Variants in GRIN2A observed in about 807,000 individuals in gnomAD.
GRIN2A encodes glutamate ionotropic receptor NMDA type subunit 2A, also known as glutamate receptor ionotropic, NMDA 2A.
Under a neutral mutation model 113.4 loss-of-function variants are expected in GRIN2A, and 22 were observed. The observed-to-expected ratio is 0.19, with a 90% CI of 0.14 to 0.28. The LOEUF (loss-of-function observed/expected upper bound fraction) is 0.28, where lower values mean the gene tolerates loss of function less well. GRIN2A is among the 10% of genes least tolerant of loss of function. GRIN2A has a pLI of 1.00. For synonymous variants in GRIN2A, 827 were observed against 738.4 expected, an observed-to-expected ratio of 1.12 and a Z score of -1.94; for missense variants, 1,502 against 1,887.0, an observed-to-expected ratio of 0.80 and a Z score of 3.78.
At chr16:10,094,826 A>T (rs999504513) in intron 2 of GRIN2A, among the ~76,000 whole-genome samples, 1 of 151,556 alleles carries the variant, frequency 6.6e-6, no homozygotes, top group Non-Finnish European at 1.5e-5. Context: ...TGAAGCAGGA[A>T]AAGTATAAAA....
intron 10 of GRIN2A, among the ~76,000 whole-genome samples, chr16:9,811,313 C>T (rs533704949): frequency 6.6e-6 from 1 of 152,318 alleles, no homozygotes; most frequent in Admixed American, 6.5e-5. Context: ...GGCACTGCTA[C>T]TCATTAGATG....
rs2141629108 is a variant in GRIN2A at position 9,937,951 on chromosome 16, T to C, written c.1007+8A>G. On this transcript the variant is annotated splice_region_variant and intron_variant, in intron 3 of 12. Transcript: ENST00000330684. ...TCCCACTTTGGGAGACAACAAGCCC[T>C]TTCTTACGGGTGCAAGGTGTGCATC... 3.1e-6 allele frequency: 5 copies of C among 1,606,112 alleles called. No individual in the cohort carries two copies. The highest frequency in any genetic ancestry group is 4.3e-6 in the Non-Finnish European group (5 of 1,172,974).
intron 3 of GRIN2A, among the ~76,000 whole-genome samples, chr16:9,926,812 T>G (rs542425909): frequency 6.6e-6 from 1 of 152,300 alleles, no homozygotes; most frequent in Admixed American, 6.5e-5. Flanking sequence ...TATGGGATTA[T>G]TATCACTAAC....
At chr16:9,898,847 C>T (rs1417143248) in intron 3 of GRIN2A, among the ~76,000 whole-genome samples, 1 of 150,584 alleles carries the variant, frequency 6.6e-6, no homozygotes, top group Non-Finnish European at 1.5e-5. Context: ...TTTGCAAATC[C>T]CTTCAACTTT....
chr16:10,066,525 A>G (rs1347207676), intron 2 of GRIN2A, among the ~76,000 whole-genome samples: 2 of 152,170 alleles, frequency 1.3e-5, no homozygotes, highest in Non-Finnish European at 1.5e-5. Flanking sequence ...GGACAAAACT[A>G]TGGGCTATTT....
At chr16:10,171,869 G>C (rs1020306381) in intron 2 of GRIN2A, among the ~76,000 whole-genome samples, 6 of 152,176 alleles carry the variant, frequency 3.9e-5, no homozygotes, top group African/African-American at 1.4e-4. Context: ...CCATTTTAGA[G>C]ATGAAGACAT....
intron 2 of GRIN2A, among the ~76,000 whole-genome samples, chr16:10,085,939 T>A (rs1225565482): frequency 2.0e-5 from 3 of 152,182 alleles, no homozygotes; most frequent in African/African-American, 7.2e-5. Context: ...CTAGAATGAA[T>A]TAGTTAATTA....
At chr16:10,004,200 C>T (rs2046367969) in intron 2 of GRIN2A, among the ~76,000 whole-genome samples, 1 of 151,938 alleles carries the variant, frequency 6.6e-6, no homozygotes, top group South Asian at 2.1e-4. Context: ...ACCAGCCTGG[C>T]CAATATGGTG....
At chr16:10,073,670 T>C (rs1439947000) in intron 2 of GRIN2A, among the ~76,000 whole-genome samples, 1 of 152,016 alleles carries the variant, frequency 6.6e-6, no homozygotes, top group Non-Finnish European at 1.5e-5. Flanking sequence ...AAAACTTTTA[T>C]TCATCAAAGG....
intron 2 of GRIN2A, among the ~76,000 whole-genome samples, chr16:9,952,115 G>A (rs753694985): frequency 6.6e-6 from 1 of 152,114 alleles, no homozygotes; most frequent in Non-Finnish European, 1.5e-5. Flanking sequence ...TGGAAGTGTG[G>A]AGGGTTCACT....
At chr16:9,768,567 C>T (rs575010505) in intron 12 of GRIN2A, among the ~76,000 whole-genome samples, 6 of 152,294 alleles carry the variant, frequency 3.9e-5, no homozygotes, top group South Asian at 2.1e-4. Flanking sequence ...TATTCCCTAT[C>T]GTTCTCTCAC....
chr16:9,945,227 G>A (rs2044989636), intron 2 of GRIN2A, among the ~76,000 whole-genome samples: 2 of 152,120 alleles, frequency 1.3e-5, no homozygotes, highest in Non-Finnish European at 2.9e-5. Context: ...TAGTTCAGGA[G>A]TGGGGTGGAG....
chr16:9,901,048 G>A (rs892085818), intron 3 of GRIN2A, among the ~76,000 whole-genome samples: 1 of 152,158 alleles, frequency 6.6e-6, no homozygotes, highest in Non-Finnish European at 1.5e-5. Flanking sequence ...AATTCAAGGT[G>A]CGATTTTTAT....
chr16:10,109,178 A>T (rs1414905990), intron 2 of GRIN2A, among the ~76,000 whole-genome samples: 1 of 152,114 alleles, frequency 6.6e-6, no homozygotes, highest in Non-Finnish European at 1.5e-5. Flanking sequence ...GATGAAATGG[A>T]CAAATTCCTG....
chr16:10,032,057 A>G (rs1452294505), intron 2 of GRIN2A, among the ~76,000 whole-genome samples: 8 of 152,108 alleles, frequency 5.3e-5, no homozygotes, highest in African/African-American at 1.4e-4. Context: ...AGCGCATCGT[A>G]TTTACTTGCA....
At chr16:10,118,431 C>T (rs1001667239) in intron 2 of GRIN2A, among the ~76,000 whole-genome samples, 2 of 152,140 alleles carry the variant, frequency 1.3e-5, no homozygotes, top group African/African-American at 4.8e-5. Flanking sequence ...TACAGCTCTA[C>T]AAGCACCTGT....
In GRIN2A at chr16:9,755,377, C is replaced by G. The variant is rs1177210231; in HGVS notation, c.*7772G>C. On this transcript the variant is annotated 3_prime_UTR_variant, in exon 13 of 13. Coordinates refer to ENST00000330684, the MANE Select transcript of GRIN2A (RefSeq NM_001134407.3). The stretch of plus-strand genomic sequence containing the variant: ...ATTCCAAGGAGAACATGGTCACGCA[C>G]TTGTAGACCCAACAACAGGATCTCC... The G allele has an allele frequency of 5.4e-6, 1 of 186,464 alleles. No homozygotes were observed. The allele number at this position is 186,464 out of a possible 1,614,324, so 11.6% of individuals were successfully genotyped here. A position where few individuals can be genotyped will look rare whatever the true frequency, so the allele number is the denominator to read the frequency against.
intron 2 of GRIN2A, among the ~76,000 whole-genome samples, chr16:10,092,642 T>G (rs1231025288): frequency 1.3e-5 from 2 of 152,184 alleles, no homozygotes; most frequent in African/African-American, 4.8e-5. Context: ...AACAACTCTA[T>G]GAGGTCAGTT....
intron 2 of GRIN2A, among the ~76,000 whole-genome samples, chr16:10,040,876 C>A (rs572166344): frequency 6.6e-6 from 1 of 152,336 alleles, no homozygotes; most frequent in South Asian, 2.1e-4. Flanking sequence ...GATGAGCCGT[C>A]GTATCTATGC....
Sources: gnomAD v4.1 joint callset for allele counts (sites outside exome capture counted in the v4.1 genomes callset) on GRCh38, gnomAD v4.1.1 for gene constraint, MANE v1.5 for transcripts, NCBI Gene and HGNC (gene_info 2026-07-23, HGNC 2026-07-21) for gene names.